Variants in ISLR2 observed in about 807,000 individuals in gnomAD.
ISLR2 encodes immunoglobulin superfamily containing leucine rich repeat 2, also known as immunoglobulin superfamily containing leucine-rich repeat protein 2.
Under a neutral mutation model 25.5 loss-of-function variants are expected in ISLR2, and 16 were observed. That is an observed-to-expected ratio of 0.63 (90% CI 0.43 to 0.95). The LOEUF (loss-of-function observed/expected upper bound fraction) is 0.95, where lower values mean the gene tolerates loss of function less well. ISLR2 is among the 40% of genes least tolerant of loss of function. The pLI is 0.00. For missense variants in ISLR2, 883 were observed against 1,030.7 expected (o/e 0.86, Z 1.96); for synonymous variants, 508 against 486.6 (o/e 1.04, Z -0.58).
intron 2 of ISLR2, chr15:74,131,919 T>A (rs1438331681): frequency 6.6e-6 from 1 of 152,310 alleles, no homozygotes; most frequent in Non-Finnish European, 1.5e-5. Flanking sequence ...ACATCTCAAG[T>A]CGTGCAGTGC....
Position 74,132,819 on chromosome 15 carries a change from A to G in ISLR2, c.65A>G (p.Glu22Gly). The G allele has an allele frequency of 6.2e-7, 1 of 1,614,016 alleles. No individual in the cohort carries two copies. Among genetic ancestry groups the G allele is most frequent in the Non-Finnish European group, 8.5e-7 (1 of 1,179,930 alleles). ...CTAGGAGTGGCCGGATCATGCCCGG[A>G]GCCGTGCGCCTGCGTGGACAAGTAC... ...ALLGVAGSCP[E>G]PCACVDKYAH... The change falls in exon 3 of 3, where the codon GAG becomes GGG. Residue 22 changes from glutamate to glycine, a missense_variant. Physicochemically the swap from Glu to Gly is moderately conservative, Grantham distance 98 (BLOSUM62 -2). Transcript: ENST00000453268. The surrounding 1 kb of genome is among the most constrained non-coding windows in gnomAD (Gnocchi z 4.3).
chr15:74,123,189 G>C (rs368037492), upstream of ISLR2, among the ~76,000 whole-genome samples: 3 of 152,144 alleles, frequency 2.0e-5, no homozygotes, highest in South Asian at 4.1e-4. Flanking sequence ...CAGCAGTTTG[G>C]GGGAGGGGCT....
intron 2 of ISLR2, among the ~76,000 whole-genome samples, chr15:74,122,799 G>A (rs1488138614): frequency 2.6e-5 from 4 of 152,214 alleles, no homozygotes; most frequent in Admixed American, 6.5e-5. Flanking sequence ...GGGGACAGTG[G>A]AGGGGAAGGC....
upstream of ISLR2, among the ~76,000 whole-genome samples, chr15:74,124,753 C>T (rs957367872): frequency 2.0e-5 from 3 of 152,050 alleles, no homozygotes; most frequent in Non-Finnish European, 4.4e-5. Flanking sequence ...GAGTGAGACT[C>T]CATCTAAAAA....
At chr15:74,128,655 T>C (rs760911031), upstream of ISLR2, 20 of 456,046 alleles carry the variant, frequency 4.4e-5, no homozygotes, top group Middle Eastern at 3.2e-4. Context: ...AGAAAGAAAA[T>C]AGGTAAAAAC....
chr15:74,111,272 T>C (rs1388499769), intron 2 of ISLR2, among the ~76,000 whole-genome samples: 1 of 151,932 alleles, frequency 6.6e-6, no homozygotes, highest in Non-Finnish European at 1.5e-5. Context: ...ATTCCATTTA[T>C]ATAATGTTCT....
At chr15:74,137,352 G>C (rs537910772), downstream of ISLR2, among the ~76,000 whole-genome samples, 152 of 152,332 alleles carry the variant, frequency 1.0e-3, no homozygotes, top group African/African-American at 3.3e-3. Context: ...AGGAAAGGGG[G>C]AGAACCTGGC....
upstream of ISLR2, chr15:74,129,663 T>A (rs2072361568): frequency 6.5e-6 from 1 of 152,842 alleles, no homozygotes; most frequent in Non-Finnish European, 1.5e-5. This position sits in a 1 kb window ranked among gnomAD's most constrained non-coding sequence, Gnocchi z 4.5. Context: ...ATGTCGGGGT[T>A]TCATCAGAGC....
chr15:74,126,373 G>A (rs1398692985), upstream of ISLR2: 1 of 22,062 alleles, frequency 4.5e-5, no homozygotes, highest in Non-Finnish European at 8.6e-5. Context: ...TTTTTTTTTT[G>A]AGACAGAGTC....
At position 74,131,714 on chromosome 15, in the gene ISLR2, G is replaced by A. The variant is rs559274592; in HGVS notation, c.-9+398G>A. ...AGGACGCCTCTGCCCAATGGGAGCC[G>A]CCTGAGGGACCTGAGAGGAAGCTCT... On this transcript the variant is annotated intron_variant, in intron 2 of 2. Transcript: ENST00000453268. 5.8e-4 allele frequency among the ~76,000 whole-genome samples: 89 copies of A among 152,302 alleles called. 1 individual carries two copies. Among genetic ancestry groups the A allele is most frequent in the African/African-American group, 1.9e-3 (80 of 41,566 alleles).
At chr15:74,141,413 C>T (rs1390335394), downstream of ISLR2, among the ~76,000 whole-genome samples, 2 of 152,010 alleles carry the variant, frequency 1.3e-5, no homozygotes, top group Non-Finnish European at 2.9e-5. Flanking sequence ...TATAAATTAC[C>T]GAGGAACTTC....
intron 2 of ISLR2, among the ~76,000 whole-genome samples, chr15:74,116,962 A>G (rs2072215960): frequency 6.6e-6 from 1 of 152,196 alleles, no homozygotes; most frequent in Non-Finnish European, 1.5e-5. Flanking sequence ...TATCAATTGC[A>G]TATTTAGGGA....
Position 74,132,908 on chromosome 15 carries a change from A to G in ISLR2, c.154A>G (p.Asn52Asp). The G allele has an allele frequency of 3.7e-6, 6 of 1,614,074 alleles. No homozygotes were observed. The highest frequency in any genetic ancestry group is 5.1e-6 in the Non-Finnish European group (6 of 1,179,934). ...LREVPEGLPA[N>D]VTTLSLSANK... is the part of the protein sequence containing the mutation. Reference sequence around the variant, plus strand: ...TGAGGTGCCGGAAGGACTGCCTGCCAACGTGACGACGCTTAGTCTGTCCGC... The same window carrying G: ...TGAGGTGCCGGAAGGACTGCCTGCCGACGTGACGACGCTTAGTCTGTCCGC... The change falls in exon 3 of 3, where the codon AAC becomes GAC. Residue 52 changes from asparagine to aspartate, a missense_variant. Asn to Asp is a conservative substitution (Grantham distance 23). Around this residue, in one of 2 missense-constraint regions of ISLR2, gnomAD observed 271 missense variants for 387.9 expected, o/e 0.70. Coordinates refer to ENST00000453268, the MANE Select transcript of ISLR2 (RefSeq NM_020851.3). The surrounding 1 kb of genome is among the most constrained non-coding windows in gnomAD (Gnocchi z 4.3).
At chr15:74,136,831 C>G (rs1190636613), downstream of ISLR2, 1 of 166,988 alleles carries the variant, frequency 6.0e-6, no homozygotes, top group Non-Finnish European at 1.5e-5. Flanking sequence ...TGTCAGGGGA[C>G]AGAGGGAGGA....
intron 2 of ISLR2, among the ~76,000 whole-genome samples, chr15:74,116,467 C>G (rs925033074): frequency 4.6e-5 from 7 of 150,946 alleles, no homozygotes; most frequent in Non-Finnish European, 1.0e-4. Flanking sequence ...CTTTTTCACA[C>G]AAACAAAAGC....
At chr15:74,121,152 T>C (rs2072249587) in intron 2 of ISLR2, among the ~76,000 whole-genome samples, 1 of 152,160 alleles carries the variant, frequency 6.6e-6, no homozygotes, top group South Asian at 2.1e-4. Context: ...CCTGACAGGG[T>C]CACCCTGCTG....
At position 74,134,588 on chromosome 15, in the gene ISLR2, G is replaced by A. The variant is rs1187680550; in HGVS notation, c.1834G>A (p.Ala612Thr). 6.2e-7 allele frequency: 1 copy of A among 1,614,158 alleles called. No homozygotes were observed. The highest frequency in any genetic ancestry group is 8.5e-7 in the Non-Finnish European group (1 of 1,180,026). ...VLATVPLLGA[A>T]CCHLLAKHPG... ...GGCCACAGTGCCCCTTCTGGGCGCC[G>A]CCTGCTGCCATCTGCTGGCTAAACA... Residue 612 changes from alanine to threonine, a missense_variant, in exon 3 of 3, where the codon GCC (alanine) becomes ACC (threonine). Transcript: ENST00000453268.
At position 74,104,180 on chromosome 15, in the gene ISLR2, C is replaced by A. The variant is rs143000293; in HGVS notation, n.228+266C>A. ...AGGGTTTTAGGTCAGCAGTTCTCAA[C>A]TGGAGGTGATTTTGCCGCCCTGGGG... On this transcript the variant is annotated intron_variant and non_coding_transcript_variant, in intron 2 of 3. Coordinates refer to the ISLR2 transcript ENST00000561975. Among the ~76,000 whole-genome samples the A allele has an allele frequency of 7.9e-3, 1,205 of 152,344 alleles. 19 individuals carry two copies. Among genetic ancestry groups the A allele is most frequent in the African/African-American group, 0.028 (1,159 of 41,560 alleles).
chr15:74,104,533 A>C (rs900541582), intron 2 of ISLR2, among the ~76,000 whole-genome samples: 2 of 152,182 alleles, frequency 1.3e-5, no homozygotes, highest in African/African-American at 4.8e-5. Context: ...CTGTAACCCC[A>C]GTGCATTGTG....
Sources: gnomAD v4.1 joint callset for allele counts (sites outside exome capture counted in the v4.1 genomes callset) on GRCh38, gnomAD v4.1.1 for gene constraint, gnomAD v4.1.1 regional missense constraint, Gnocchi (gnomAD v3.1) non-coding constraint, MANE v1.5 for transcripts, NCBI Gene and HGNC (gene_info 2026-07-23, HGNC 2026-07-21) for gene names.